Variants in ITGA9 observed in about 807,000 individuals in gnomAD.
ITGA9 encodes integrin subunit alpha 9.
A neutral mutation model predicts 127.8 loss-of-function variants in ITGA9; 56 were observed. The observed-to-expected ratio is 0.44, with a 90% CI of 0.35 to 0.55. The LOEUF (loss-of-function observed/expected upper bound fraction) is 0.55. Ranked by LOEUF, ITGA9 falls within the 20% of genes least tolerant of loss-of-function variation. The pLI, the probability that ITGA9 is intolerant of heterozygous loss-of-function variation, is 0.00. For missense variants in ITGA9, 1,196 were observed against 1,347.1 expected (o/e 0.89, Z 1.76); for synonymous variants, 508 against 514.5 (o/e 0.99, Z 0.17).
At chr3:37,744,894 C>G (rs1459911559) in intron 22 of ITGA9, among the ~76,000 whole-genome samples, 2 of 152,242 alleles carry the variant, frequency 1.3e-5, no homozygotes, top group African/African-American at 4.8e-5. Flanking sequence ...CTGGGAGAAG[C>G]CGGGCTGGGG....
At chr3:37,668,795 G>A (rs976053894) in intron 17 of ITGA9, among the ~76,000 whole-genome samples, 5 of 152,220 alleles carry the variant, frequency 3.3e-5, no homozygotes, top group African/African-American at 1.2e-4. Context: ...CAAGAAGGCT[G>A]CCCTGTGGCT....
intron 15 of ITGA9, among the ~76,000 whole-genome samples, chr3:37,567,042 T>C (rs138837809): frequency 6.6e-6 from 1 of 152,190 alleles, no homozygotes; most frequent in Admixed American, 6.5e-5. Flanking sequence ...GTCTGCTAGA[T>C]TAATGAAGAT....
At chr3:37,808,312 G>A (rs779240906) in intron 27 of ITGA9, 3 of 152,206 alleles carry the variant, frequency 2.0e-5, no homozygotes, top group Non-Finnish European at 4.4e-5. Context: ...CCCATCAACT[G>A]TGGAAGGGAG....
chr3:37,693,563 G>A (rs1700853647), intron 18 of ITGA9, among the ~76,000 whole-genome samples: 2 of 152,180 alleles, frequency 1.3e-5, no homozygotes, highest in Admixed American at 1.3e-4. Context: ...CGCTCAAGAT[G>A]GCACCAGGTG....
chr3:37,513,664 T>A, intron 8 of ITGA9, 99 bp from the exon 9 acceptor site: 2 of 1,350,578 alleles, frequency 1.5e-6, no homozygotes, highest in Non-Finnish European at 2.1e-6. Context: ...TCAATTCCTC[T>A]GAGGGATGTT....
At chr3:37,801,982 T>C (rs1184247660) in intron 26 of ITGA9, among the ~76,000 whole-genome samples, 1 of 152,154 alleles carries the variant, frequency 6.6e-6, no homozygotes, top group East Asian at 1.9e-4. Context: ...AGCCAGTAAG[T>C]AATTCATTCA....
intron 15 of ITGA9, among the ~76,000 whole-genome samples, chr3:37,552,048 A>C (rs1699383339): frequency 6.6e-6 from 1 of 152,246 alleles, no homozygotes; most frequent in South Asian, 2.1e-4. Context: ...GGGAATCACA[A>C]GCAGGGGAAG....
intron 23 of ITGA9, among the ~76,000 whole-genome samples, chr3:37,765,637 C>T (rs1696771263): frequency 6.6e-6 from 1 of 152,122 alleles, no homozygotes; most frequent in Non-Finnish European, 1.5e-5. Flanking sequence ...CATTCCTAGG[C>T]TCTTGGTTAA....
At chr3:37,660,870 C>A (rs1430024251) in intron 17 of ITGA9, among the ~76,000 whole-genome samples, 5 of 152,184 alleles carry the variant, frequency 3.3e-5, no homozygotes, top group Non-Finnish European at 7.3e-5. Flanking sequence ...CTGTGTCTTT[C>A]ATTTTTTCTT....
At chr3:37,797,548 T>A (rs750299962) in intron 26 of ITGA9, among the ~76,000 whole-genome samples, 2 of 152,062 alleles carry the variant, frequency 1.3e-5, no homozygotes, top group Non-Finnish European at 2.9e-5. Context: ...GCAGAGTCTC[T>A]CCTTTAAAAA....
chr3:37,509,840 C>A (rs1388599828), intron 8 of ITGA9, among the ~76,000 whole-genome samples: 3 of 152,108 alleles, frequency 2.0e-5, no homozygotes, highest in East Asian at 3.9e-4. Context: ...AAAGAAATAA[C>A]TCTGTGCTAC....
Position 37,684,032 on chromosome 3 carries a change from T to C in ITGA9, c.2067+17T>C, listed in dbSNP as rs761177076. 1 of 1,610,282 alleles carries C rather than the reference T, an allele frequency of 6.2e-7. No individual in the cohort carries two copies. Among genetic ancestry groups the C allele is most frequent in the South Asian group, 1.1e-5 (1 of 90,968 alleles). On this transcript the variant is annotated intron_variant, in intron 18 of 27. Transcript: ENST00000264741. ...TGGCAGAAGGTAAGGAGGGCATCCC[T>C]GTAAAAAGAGCAGTTGTTCCATCTG...
chr3:37,570,373 A>G (rs922090614), intron 15 of ITGA9, among the ~76,000 whole-genome samples: 1 of 152,226 alleles, frequency 6.6e-6, no homozygotes, highest in Non-Finnish European at 1.5e-5. Context: ...CGTTAACTGC[A>G]AAGAGGAGTT....
At chr3:37,610,197 G>C (rs1297181533) in intron 15 of ITGA9, among the ~76,000 whole-genome samples, 3 of 152,164 alleles carry the variant, frequency 2.0e-5, no homozygotes, top group African/African-American at 7.2e-5. Context: ...GGGTGAAATG[G>C]CTTGTTGTGT....
chr3:37,648,475 A>G (rs531288387), intron 16 of ITGA9, among the ~76,000 whole-genome samples: 2 of 152,130 alleles, frequency 1.3e-5, no homozygotes, highest in East Asian at 3.9e-4. Context: ...AATAAACAGA[A>G]AATTATCCAG....
chr3:37,733,305 A>G (rs1241407549), intron 19 of ITGA9, among the ~76,000 whole-genome samples: 1 of 152,148 alleles, frequency 6.6e-6, no homozygotes, highest in Admixed American at 6.5e-5. Flanking sequence ...TGGTATTGGT[A>G]TGGAGACAGA....
chr3:37,544,837 A>T (rs539116535), intron 15 of ITGA9, among the ~76,000 whole-genome samples: 1 of 152,376 alleles, frequency 6.6e-6, no homozygotes, highest in East Asian at 1.9e-4. Context: ...TTCAAGAGGC[A>T]ACATTGTTGC....
intron 19 of ITGA9, 192 bp downstream of exon 19, chr3:37,732,990 C>T: frequency 1.6e-6 from 1 of 620,068 alleles, no homozygotes; most frequent in South Asian, 1.8e-5. Flanking sequence ...GGAGGGGCTG[C>T]ATCATATGGT....
chr3:37,615,086 GA>G (rs1304117965), intron 15 of ITGA9, among the ~76,000 whole-genome samples: 1 of 152,194 alleles, frequency 6.6e-6, no homozygotes, highest in East Asian at 1.9e-4. Context: ...CATTCAGTAT[GA>G]TATTGGCTGT....
Sources: allele counts gnomAD v4.1 joint callset (sites outside exome capture counted in the v4.1 genomes callset), GRCh38; gene constraint gnomAD v4.1.1; transcripts MANE v1.5; gene names NCBI Gene and HGNC (gene_info 2026-07-23, HGNC 2026-07-21).